MAML3: variants seen among roughly 807,000 people sequenced by gnomAD.
MAML3 encodes the protein mastermind like transcriptional coactivator 3.
Under a neutral mutation model 101.9 loss-of-function variants are expected in MAML3, and 27 were observed. The observed-to-expected ratio is 0.27, with a 90% CI of 0.20 to 0.37. The LOEUF is 0.37. MAML3 is among the 10% of genes least tolerant of loss of function. The probability of loss-of-function intolerance (pLI) is 1.00; values close to 1 mark genes in which losing one functional copy is unlikely to be tolerated. For missense variants in MAML3, 1,316 were observed against 1,444.9 expected, an observed-to-expected ratio of 0.91 and a Z score of 1.45; for synonymous variants, 501 against 555.9, an observed-to-expected ratio of 0.90 and a Z score of 1.39.
chr4:139,979,069 T>C (rs13148653), intron 1 of MAML3, among the ~76,000 whole-genome samples: 85,727 of 151,810 alleles, frequency 0.56, 25,401 homozygotes, highest in East Asian at 0.91. Flanking sequence ...TATGAAGCAT[T>C]TTGTATGTGT....
At chr4:139,789,416 G>A (rs976485919) in intron 2 of MAML3, among the ~76,000 whole-genome samples, 3 of 152,148 alleles carry the variant, frequency 2.0e-5, no homozygotes, top group African/African-American at 4.8e-5. Context: ...CAAGAGGGGT[G>A]GGTAGAGGGC....
chr4:139,866,571 G>A (rs1378361449), intron 2 of MAML3, among the ~76,000 whole-genome samples: 1 of 152,134 alleles, frequency 6.6e-6, no homozygotes, highest in African/African-American at 2.4e-5. Context: ...GTCAGACCCC[G>A]CCCAAGATGG....
At chr4:140,004,484 C>T (rs1877074) in intron 1 of MAML3, among the ~76,000 whole-genome samples, 1 of 152,028 alleles carries the variant, frequency 6.6e-6, no homozygotes, top group Non-Finnish European at 1.5e-5. Flanking sequence ...TCTACTTCAC[C>T]TAAATGATCT....
chr4:139,909,003 A>C (rs1732869753), intron 1 of MAML3, among the ~76,000 whole-genome samples: 1 of 152,182 alleles, frequency 6.6e-6, no homozygotes, highest in Admixed American at 6.5e-5. Flanking sequence ...CACATTTAGC[A>C]ATTTCTTTTT....
intron 2 of MAML3, among the ~76,000 whole-genome samples, chr4:139,881,629 G>T (rs1732220523): frequency 6.6e-6 from 1 of 152,146 alleles, no homozygotes; most frequent in Non-Finnish European, 1.5e-5. Context: ...TTTTATGAAA[G>T]AAAGAAAAAC....
chr4:139,872,211 T>TA lies in MAML3; in HGVS notation c.2079+17145dup, dbSNP rs935589309. ...GGGAATCTGTATGCTGTTATTATTT[T>TA]AAAAAAAATTTTTTAATCCAGCTTT... On this transcript the variant is annotated intron_variant, in intron 2 of 4. Coordinates refer to ENST00000509479, the MANE Select transcript of MAML3 (RefSeq NM_018717.5). Among the ~76,000 whole-genome samples the TA allele has an allele frequency of 9.2e-5, 14 of 152,248 alleles. No individual in the cohort carries two copies. The East Asian group carries it at 1.3e-3, about 15-fold the overall frequency.
chr4:139,848,911 A>G (rs77419295), intron 2 of MAML3, among the ~76,000 whole-genome samples: 1,739 of 152,318 alleles, frequency 0.011, 18 homozygotes, highest in Middle Eastern at 0.027. Context: ...TTGGGCTCAG[A>G]TTATAAACAA....
At chr4:139,766,462 G>A (rs894361751) in intron 2 of MAML3, among the ~76,000 whole-genome samples, 14 of 152,178 alleles carry the variant, frequency 9.2e-5, no homozygotes, top group African/African-American at 3.1e-4. Flanking sequence ...GTGAGCCACC[G>A]TGCCCAGTCA....
At chr4:139,818,332 A>T (rs1054539908) in intron 2 of MAML3, among the ~76,000 whole-genome samples, 3 of 152,158 alleles carry the variant, frequency 2.0e-5, no homozygotes, top group Non-Finnish European at 4.4e-5. Flanking sequence ...TTATTTCATT[A>T]ATGTCTGTTT....
chr4:140,145,176 G>T (rs975798602), intron 1 of MAML3, among the ~76,000 whole-genome samples: 1 of 152,180 alleles, frequency 6.6e-6, no homozygotes, highest in Non-Finnish European at 1.5e-5. Flanking sequence ...GGGAAGGAGA[G>T]ATACACAGCA....
chr4:139,872,132 C>A (rs1732020969), intron 2 of MAML3, among the ~76,000 whole-genome samples: 1 of 152,038 alleles, frequency 6.6e-6, no homozygotes, highest in African/African-American at 2.4e-5. Context: ...GAGAAATAAC[C>A]CTTGCATTTG....
At chr4:140,100,494 A>C (rs1425916347) in intron 1 of MAML3, among the ~76,000 whole-genome samples, 3 of 152,202 alleles carry the variant, frequency 2.0e-5, no homozygotes, top group Non-Finnish European at 4.4e-5. Context: ...AAGTAACTAA[A>C]CAATGCCCCT....
At chr4:140,031,182 G>T (rs1173751510) in intron 1 of MAML3, among the ~76,000 whole-genome samples, 1 of 152,076 alleles carries the variant, frequency 6.6e-6, no homozygotes, top group East Asian at 1.9e-4. Flanking sequence ...GGCACAAATA[G>T]ATTAACAACA....
At chr4:139,762,735 G>A (rs1163031679) in intron 2 of MAML3, among the ~76,000 whole-genome samples, 1 of 152,124 alleles carries the variant, frequency 6.6e-6, no homozygotes, top group Non-Finnish European at 1.5e-5. Flanking sequence ...TTTAACCCCC[G>A]TGAACCCTGG....
At chr4:139,916,110 G>A (rs1405425208) in intron 1 of MAML3, among the ~76,000 whole-genome samples, 1 of 152,148 alleles carries the variant, frequency 6.6e-6, no homozygotes, top group Non-Finnish European at 1.5e-5. Context: ...AATTGCCCAA[G>A]GTCACACAGC....
At chr4:140,066,695 T>A (rs1311103366) in intron 1 of MAML3, among the ~76,000 whole-genome samples, 1 of 152,150 alleles carries the variant, frequency 6.6e-6, no homozygotes, top group African/African-American at 2.4e-5. Context: ...AGGCAGGGAA[T>A]ATACACAGCA....
intron 1 of MAML3, among the ~76,000 whole-genome samples, chr4:140,103,056 A>G (rs1029183907): frequency 9.9e-5 from 15 of 151,184 alleles, no homozygotes; most frequent in Admixed American, 7.3e-4. Flanking sequence ...ACTGCAAGAA[A>G]CTCCCCGACG....
chr4:139,942,035 T>C (rs1560843715), intron 1 of MAML3, among the ~76,000 whole-genome samples: 1 of 152,056 alleles, frequency 6.6e-6, no homozygotes, highest in Non-Finnish European at 1.5e-5. Context: ...CTCCAGAGGC[T>C]GAGGCAGGAG....
In MAML3 at chr4:140,081,683, T is replaced by C. The variant is rs191783815; in HGVS notation, c.468+71177A>G. On this transcript the variant is annotated intron_variant, in intron 1 of 4. Transcript: ENST00000509479. The stretch of plus-strand genomic sequence containing the variant: ...ATGATTTTATCTAATGGCTTTAATA[T>C]GTAGCCGCTGCTACAAATGCTGGGG... Among the ~76,000 whole-genome samples, 12 of 152,296 alleles carry C rather than the reference T, an allele frequency of 7.9e-5. 1 individual carries two copies. In the East Asian group the frequency reaches 2.3e-3, roughly 29 times the overall value.
Sources: allele counts gnomAD v4.1 joint callset (sites outside exome capture counted in the v4.1 genomes callset), GRCh38; gene constraint gnomAD v4.1.1; transcripts MANE v1.5; gene names NCBI Gene and HGNC (gene_info 2026-07-23, HGNC 2026-07-21).